The following ADAMTSL1 variants were observed in gnomAD, a reference collection of about 807,000 sequenced individuals.
ADAMTSL1 encodes the protein ADAMTS-like protein 1.
Under a neutral mutation model 201.8 loss-of-function variants are expected in ADAMTSL1, and 126 were observed. That is an observed-to-expected ratio of 0.62 (90% CI 0.54 to 0.72). The LOEUF (loss-of-function observed/expected upper bound fraction) is 0.72, where lower values mean the gene tolerates loss of function less well. ADAMTSL1 is among the 30% of genes least tolerant of loss of function. The pLI is 0.00. For missense variants in ADAMTSL1, 2,679 were observed against 2,277.8 expected, an observed-to-expected ratio of 1.18 and a Z score of -3.59; for synonymous variants, 1,121 against 903.4, an observed-to-expected ratio of 1.24 and a Z score of -4.32.
chr9:18,131,587 C>G (rs1023034320), intron 1 of ADAMTSL1, among the ~76,000 whole-genome samples: 5 of 152,166 alleles, frequency 3.3e-5, no homozygotes, highest in African/African-American at 1.2e-4. Flanking sequence ...GACATTTTCT[C>G]TCCTAGTCTT....
chr9:18,314,948 T>C (rs1035978166), intron 2 of ADAMTSL1, among the ~76,000 whole-genome samples: 3 of 150,702 alleles, frequency 2.0e-5, no homozygotes, highest in African/African-American at 4.9e-5. Context: ...AGGCGCCCGC[T>C]ACCACGCCCG....
chr9:18,780,334 G>T (rs760389613), intron 19 of ADAMTSL1, among the ~76,000 whole-genome samples: 2 of 152,114 alleles, frequency 1.3e-5, no homozygotes, highest in Non-Finnish European at 2.9e-5. Flanking sequence ...GGAAGGCCAC[G>T]GAAGGTTAAA....
At position 18,611,324 on chromosome 9, in the gene ADAMTSL1, G is replaced by T. The variant is rs1825350686; in HGVS notation, c.475-10919G>T. Among the ~76,000 whole-genome samples the T allele has an allele frequency of 1.3e-5, 2 of 152,154 alleles. 1 individual carries two copies. The highest frequency in any genetic ancestry group is 4.1e-4 in the South Asian group (2 of 4,830). ...GTATAATTTTGTTTCGCATTCTCCAGACACCCTAATTTTGGAAGCAGGGGA... is the reference window on the plus strand; with the variant it reads ...GTATAATTTTGTTTCGCATTCTCCATACACCCTAATTTTGGAAGCAGGGGA... On this transcript the variant is annotated intron_variant, in intron 4 of 28. Transcript: ENST00000380548.
chr9:17,920,337 C>G (rs1826256700), intron 1 of ADAMTSL1, among the ~76,000 whole-genome samples: 1 of 152,190 alleles, frequency 6.6e-6, no homozygotes, highest in South Asian at 2.1e-4. Context: ...ACCCTCATAG[C>G]TGTCATACTA....
chr9:18,356,559 A>G (rs533862866), intron 2 of ADAMTSL1, among the ~76,000 whole-genome samples: 209 of 146,850 alleles, frequency 1.4e-3, no homozygotes, highest in Middle Eastern at 3.6e-3. Context: ...AAAGGCTATC[A>G]TCTGCAGCCT....
chr9:17,981,393 G>A (rs967925169), intron 1 of ADAMTSL1, among the ~76,000 whole-genome samples: 3 of 152,166 alleles, frequency 2.0e-5, no homozygotes, highest in African/African-American at 4.8e-5. Flanking sequence ...ATTTCATTAA[G>A]TATGCTAGTC....
intron 20 of ADAMTSL1, among the ~76,000 whole-genome samples, chr9:18,801,310 A>G (rs959760024): frequency 1.3e-5 from 2 of 152,218 alleles, no homozygotes; most frequent in Non-Finnish European, 2.9e-5. Flanking sequence ...TTCTTTGTGA[A>G]TGTGCAATTT....
At chr9:18,012,664 G>C (rs1820099978) in intron 1 of ADAMTSL1, among the ~76,000 whole-genome samples, 1 of 152,016 alleles carries the variant, frequency 6.6e-6, no homozygotes, top group Non-Finnish European at 1.5e-5. Flanking sequence ...AAATGTCTGT[G>C]GTGGGTATTA....
chr9:18,576,172 G>A (rs189197735), intron 4 of ADAMTSL1, among the ~76,000 whole-genome samples: 9 of 152,154 alleles, frequency 5.9e-5, no homozygotes, highest in East Asian at 5.8e-4. Context: ...TAACTTATAC[G>A]TAGAAATAAT....
intron 23 of ADAMTSL1, among the ~76,000 whole-genome samples, chr9:18,849,937 T>C (rs950408524): frequency 6.6e-6 from 1 of 152,190 alleles, no homozygotes; most frequent in South Asian, 2.1e-4. Context: ...AACTAAATTG[T>C]CATTTCAGAG....
intron 2 of ADAMTSL1, among the ~76,000 whole-genome samples, chr9:18,228,907 C>T (rs1830536638): frequency 6.7e-6 from 1 of 150,212 alleles, no homozygotes; most frequent in South Asian, 2.1e-4. Flanking sequence ...CACACATTCT[C>T]TTTAGATGAC....
At position 18,114,294 on chromosome 9, in the gene ADAMTSL1, C is replaced by T. The variant is rs530804613; in HGVS notation, c.88-49568C>T. Among the ~76,000 whole-genome samples, 71 of 152,244 alleles carry T rather than the reference C, an allele frequency of 4.7e-4. 1 individual carries two copies. In the South Asian group the frequency reaches 0.013, roughly 29 times the overall value. ...CTCCCAGGATCAGGAGAAACAGCTA[C>T]GGATAAAGCTATGCAAACCAAACAG... On this transcript the variant is annotated intron_variant, in intron 1 of 29. Transcript: ENST00000680146.
At chr9:18,788,006 G>A (rs1821801556) in intron 19 of ADAMTSL1, among the ~76,000 whole-genome samples, 2 of 152,210 alleles carry the variant, frequency 1.3e-5, no homozygotes, top group Admixed American at 6.5e-5. Context: ...GTGTGGTCAG[G>A]TGGCCTTTCC....
At chr9:18,893,168 C>T (rs34622226) in intron 26 of ADAMTSL1, among the ~76,000 whole-genome samples, 38,319 of 151,750 alleles carry the variant, frequency 0.25, 5,706 homozygotes, top group Non-Finnish European at 0.33. Context: ...GCTCCCTTTG[C>T]CAGGGGGAAT....
At chr9:17,983,325 T>C (rs1432302597) in intron 1 of ADAMTSL1, among the ~76,000 whole-genome samples, 1 of 152,116 alleles carries the variant, frequency 6.6e-6, no homozygotes, top group African/African-American at 2.4e-5. Context: ...CGCCTCAGCC[T>C]CCCAAAGTGC....
chr9:18,109,262 C>T (rs976900830), intron 1 of ADAMTSL1, among the ~76,000 whole-genome samples: 3 of 152,114 alleles, frequency 2.0e-5, no homozygotes, highest in African/African-American at 7.2e-5. Flanking sequence ...TTCCCTTCCT[C>T]ATTGTAAGGA....
intron 1 of ADAMTSL1, among the ~76,000 whole-genome samples, chr9:17,908,855 C>G (rs978493131): frequency 3.3e-5 from 5 of 152,110 alleles, no homozygotes; most frequent in Non-Finnish European, 7.3e-5. Flanking sequence ...ATGGCTGGGT[C>G]AAATGGTATT....
At chr9:18,403,037 G>A (rs1426034773) in intron 2 of ADAMTSL1, among the ~76,000 whole-genome samples, 1 of 152,152 alleles carries the variant, frequency 6.6e-6, no homozygotes, top group Non-Finnish European at 1.5e-5. Context: ...AGATGACACT[G>A]CTAGTAAATG....
chr9:18,849,774 AAG>A (rs1307322759), intron 23 of ADAMTSL1, among the ~76,000 whole-genome samples: 1 of 152,240 alleles, frequency 6.6e-6, no homozygotes, highest in Non-Finnish European at 1.5e-5. Context: ...TTTGCCCACA[AAG>A]AGAAAATGCT....
Sources: allele counts gnomAD v4.1 joint callset (sites outside exome capture counted in the v4.1 genomes callset), GRCh38; gene constraint gnomAD v4.1.1; transcripts MANE v1.5; gene names NCBI Gene and HGNC (gene_info 2026-07-23, HGNC 2026-07-21).